The following BMP6 variants were observed in gnomAD, a reference collection of about 807,000 sequenced individuals.
BMP6 encodes VG-1-R.
In BMP6, 17 loss-of-function variants were observed where a neutral mutation model predicts 54.1. The observed-to-expected ratio is 0.31, with a 90% CI of 0.22 to 0.47. The LOEUF is 0.47. BMP6 is among the 20% of genes least tolerant of loss of function. The pLI is 1.00. For synonymous variants in BMP6, 328 were observed against 291.2 expected, an observed-to-expected ratio of 1.13 and a Z score of -1.28; for missense variants, 720 against 690.4, an observed-to-expected ratio of 1.04 and a Z score of -0.48.
chr6:7,861,105 GT>G (rs1759326447), intron 2 of BMP6, among the ~76,000 whole-genome samples: 1 of 151,910 alleles, frequency 6.6e-6, no homozygotes, highest in Non-Finnish European at 1.5e-5. Flanking sequence ...AAATAAAAAA[GT>G]TTTTTAAAAA....
chr6:7,753,308 G>A (rs1388674109), intron 1 of BMP6, among the ~76,000 whole-genome samples: 1 of 152,200 alleles, frequency 6.6e-6, no homozygotes, highest in Non-Finnish European at 1.5e-5. Context: ...TGAAAAAACA[G>A]ATTTGGTGGG....
intron 1 of BMP6, among the ~76,000 whole-genome samples, chr6:7,800,905 C>CG (rs1443292478): frequency 5.9e-4 from 9 of 15,292 alleles, no homozygotes; most frequent in African/African-American, 2.4e-3. Flanking sequence ...TAAAATAAAG[C>CG]GGGGGGAGGG....
At chr6:7,798,646 ACACT>A (rs1758225733) in intron 1 of BMP6, among the ~76,000 whole-genome samples, 1 of 152,262 alleles carries the variant, frequency 6.6e-6, no homozygotes, top group Admixed American at 6.5e-5. Flanking sequence ...TGTTCCTTCC[ACACT>A]CACTCACTCG....
At chr6:7,820,947 A>G (rs1758602585) in intron 1 of BMP6, among the ~76,000 whole-genome samples, 1 of 152,240 alleles carries the variant, frequency 6.6e-6, no homozygotes, top group African/African-American at 2.4e-5. Context: ...AGCTAGTGCC[A>G]AGGCTAATCT....
chr6:7,749,338 C>A (rs1054116398), intron 1 of BMP6, among the ~76,000 whole-genome samples: 6 of 152,182 alleles, frequency 3.9e-5, no homozygotes, highest in African/African-American at 1.4e-4. Flanking sequence ...GTCAGATCAA[C>A]CTCTCTTTAT....
At chr6:7,761,845 C>T (rs893840127) in intron 1 of BMP6, among the ~76,000 whole-genome samples, 3 of 152,218 alleles carry the variant, frequency 2.0e-5, no homozygotes, top group African/African-American at 7.2e-5. Context: ...ATTGCCCCCA[C>T]TTGTCCGTAA....
At chr6:7,755,095 C>T (rs149552743) in intron 1 of BMP6, among the ~76,000 whole-genome samples, 182 of 152,316 alleles carry the variant, frequency 1.2e-3, no homozygotes, top group African/African-American at 4.2e-3. Context: ...TCATAAATAA[C>T]ATAGAGTTAG....
At chr6:7,857,390 C>T (rs550541071) in intron 2 of BMP6, among the ~76,000 whole-genome samples, 5 of 152,248 alleles carry the variant, frequency 3.3e-5, no homozygotes, top group South Asian at 4.1e-4. Context: ...AGATTGGAAG[C>T]GTATTCATCA....
chr6:7,778,393 T>C (rs1257912604), intron 1 of BMP6, among the ~76,000 whole-genome samples: 2 of 152,202 alleles, frequency 1.3e-5, no homozygotes, highest in Non-Finnish European at 2.9e-5. Flanking sequence ...ATTCCTATTT[T>C]AGAGATAAGG....
intron 1 of BMP6, among the ~76,000 whole-genome samples, chr6:7,798,007 T>C (rs1457287851): frequency 2.6e-5 from 4 of 152,202 alleles, no homozygotes; most frequent in Admixed American, 1.3e-4. Context: ...ACTGCCATTG[T>C]GTTGTAGATC....
intron 2 of BMP6, among the ~76,000 whole-genome samples, chr6:7,858,093 T>C (rs1759277056): frequency 6.6e-6 from 1 of 152,110 alleles, no homozygotes; most frequent in African/African-American, 2.4e-5. Flanking sequence ...TCGATTTATT[T>C]ATTTATTTAG....
At chr6:7,789,606 G>T (rs1758065570) in intron 1 of BMP6, among the ~76,000 whole-genome samples, 1 of 152,172 alleles carries the variant, frequency 6.6e-6, no homozygotes, top group African/African-American at 2.4e-5. Flanking sequence ...CAGACAGGTT[G>T]GCAGGTGCTC....
chr6:7,795,174 T>G (rs191914660), intron 1 of BMP6, among the ~76,000 whole-genome samples: 1 of 152,220 alleles, frequency 6.6e-6, no homozygotes, highest in African/African-American at 2.4e-5. Flanking sequence ...ATAGTCCCCA[T>G]GTCTGTAACC....
At chr6:7,830,291 C>T (rs957846108) in intron 1 of BMP6, among the ~76,000 whole-genome samples, 1 of 152,184 alleles carries the variant, frequency 6.6e-6, no homozygotes, top group Non-Finnish European at 1.5e-5. Flanking sequence ...CTCTTAGTCT[C>T]TCTGTGACTC....
intron 1 of BMP6, among the ~76,000 whole-genome samples, chr6:7,808,647 C>T (rs539606720): frequency 6.6e-6 from 1 of 152,248 alleles, no homozygotes; most frequent in East Asian, 1.9e-4. Flanking sequence ...GGCACAGTGG[C>T]TCATGCCTAT....
At chr6:7,799,949 C>T (rs1758245079) in intron 1 of BMP6, among the ~76,000 whole-genome samples, 1 of 152,172 alleles carries the variant, frequency 6.6e-6, no homozygotes, top group African/African-American at 2.4e-5. Context: ...AATAAGCATA[C>T]ATTCCAAAAT....
rs558663727 is a variant in BMP6, at chr6:7,728,312, C to T, written c.664+693C>T. ...CGGCTCACATGCCCTTGGCCATTGT[C>T]CCCAAAGGCTGAACCTTTGATCAAT... On this transcript the variant is annotated intron_variant, in intron 1 of 6. Transcript: ENST00000283147. 2.0e-5 allele frequency among the ~76,000 whole-genome samples: 3 copies of T among 152,300 alleles called. No homozygotes were observed. The South Asian group carries it at 6.2e-4, about 32-fold the overall frequency.
chr6:7,843,443 C>CTT (rs66907363), intron 1 of BMP6, among the ~76,000 whole-genome samples: 5 of 135,970 alleles, frequency 3.7e-5, no homozygotes, highest in Non-Finnish European at 6.4e-5. Flanking sequence ...TCTTTTCTTT[C>CTT]TTTTTTTTTT....
At chr6:7,859,413 C>T (rs990156792) in intron 2 of BMP6, among the ~76,000 whole-genome samples, 5 of 152,016 alleles carry the variant, frequency 3.3e-5, no homozygotes, top group East Asian at 1.9e-4. Flanking sequence ...TCACGGGCCC[C>T]GCCTTGAGGG....
Sources: gnomAD v4.1 joint callset for allele counts (sites outside exome capture counted in the v4.1 genomes callset) on GRCh38, gnomAD v4.1.1 for gene constraint, MANE v1.5 for transcripts, NCBI Gene and HGNC (gene_info 2026-07-23, HGNC 2026-07-21) for gene names.